Variants in TATDN2 observed in about 807,000 individuals in gnomAD.
TATDN2 encodes TatD DNase domain containing 2, also known as 3'-5' RNA nuclease TATDN2.
TATDN2 carries 44 observed loss-of-function variants against 60.3 expected under a neutral mutation model. That is an observed-to-expected ratio of 0.73 (90% CI 0.57 to 0.94). The LOEUF (loss-of-function observed/expected upper bound fraction) is 0.94. Among genes scored for constraint, TATDN2 ranks in the 40% least tolerant of loss-of-function variants. The pLI, the probability that TATDN2 is intolerant of heterozygous loss-of-function variation, is 0.00. For missense variants in TATDN2, 997 were observed against 948.0 expected, an observed-to-expected ratio of 1.05 and a Z score of -0.68; for synonymous variants, 399 against 355.8, an observed-to-expected ratio of 1.12 and a Z score of -1.37.
Position 10,278,753 on chromosome 3 carries a change from A to ACTC in TATDN2, c.2146-131_2146-130insTCC. On this transcript the variant is annotated intron_variant, in intron 6 of 7. Coordinates refer to ENST00000448281, the MANE Select transcript of TATDN2 (RefSeq NM_014760.4). This position sits in a 1 kb window ranked among gnomAD's most constrained non-coding sequence, Gnocchi z 4.7. ...CCCCCATGACTAGGACTCTCCCTGCACCTGCAGGTAAAGGGGTCTCTACAG... is the reference window on the plus strand; with the variant it reads ...CCCCCATGACTAGGACTCTCCCTGCACTCCCTGCAGGTAAAGGGGTCTCTACAG... 1 of 1,362,022 alleles carries ACTC rather than the reference A, an allele frequency of 7.3e-7. No individual in the cohort carries two copies. Among genetic ancestry groups the ACTC allele is most frequent in the Non-Finnish European group, 1.0e-6 (1 of 978,548 alleles). The allele number at this position is 1,362,022 out of a possible 1,614,324, so 84.4% of individuals were successfully genotyped here. A position where few individuals can be genotyped will look rare whatever the true frequency, so the allele number is the denominator to read the frequency against.
At chr3:10,256,374 C>A (rs1262487745) in intron 2 of TATDN2, among the ~76,000 whole-genome samples, 1 of 151,950 alleles carries the variant, frequency 6.6e-6, no homozygotes, top group African/African-American at 2.4e-5. Flanking sequence ...TGGGGTCTTG[C>A]TATGTTGCCC....
rs553265148 is a variant in TATDN2, at chr3:10,257,841, A to ATTTTTTTTTT, written c.415-2270_415-2261dup. 5.3e-3 allele frequency among the ~76,000 whole-genome samples: 161 copies of ATTTTTTTTTT among 30,290 alleles called. 31 individuals are homozygous for ATTTTTTTTTT. Among genetic ancestry groups the ATTTTTTTTTT allele is most frequent in the South Asian group, 8.5e-3 (4 of 468 alleles). The allele number at this position is 30,290 out of a possible 152,430, so 19.9% of individuals were successfully genotyped here. A position where few individuals can be genotyped will look rare whatever the true frequency, so the allele number is the denominator to read the frequency against. ...AAGTATAGATTTCTAAAGGTTTATGATTTTTTTTTTTTTTTTTTTTTTTTT... is the reference window on the plus strand; with the variant it reads ...AAGTATAGATTTCTAAAGGTTTATGATTTTTTTTTTTTTTTTTTTTTTTTTTTTTTTTTTT... On this transcript the variant is annotated intron_variant, in intron 2 of 7. Transcript: ENST00000448281.
Position 10,248,841 on chromosome 3 carries a change from G to A in TATDN2, c.-233G>A, listed in dbSNP as rs1698174273. On this transcript the variant is annotated 5_prime_UTR_variant, in exon 1 of 8. Coordinates refer to ENST00000448281, the MANE Select transcript of TATDN2 (RefSeq NM_014760.4). ...CTGAAGCGCTTGACAGTTCTAAAGG[G>A]CTTTATATTGCAAACTGATCAAAGC... is the stretch of plus-strand genomic sequence containing the variant. 1 of 234,316 alleles carries A rather than the reference G, an allele frequency of 4.3e-6. No individual in the cohort carries two copies. The highest frequency in any genetic ancestry group is 2.2e-5 in the African/African-American group (1 of 44,496). 14.5% of individuals were successfully genotyped at this position (234,316 alleles called of 1,614,324 possible).
chr3:10,270,947 G>C lies in TATDN2; in HGVS notation c.1765G>C (p.Val589Leu). ...GCAAGCCTTAAGGCACCCTAAGGCT[G>C]TGGCATTTGGAGAAATGGGCTTGGA... ...LLQALRHPKA[V>L]AFGEMGLDYS... Residue 589 changes from valine (V) to leucine (L), a missense_variant, in exon 4 of 8, where the codon GTG becomes CTG. Physicochemically the swap from Val to Leu is conservative, Grantham distance 32. Transcript: ENST00000448281. 6.2e-7 allele frequency: 1 copy of C among 1,613,562 alleles called. No individual in the cohort carries two copies. Among genetic ancestry groups the C allele is most frequent in the Non-Finnish European group, 8.5e-7 (1 of 1,179,808 alleles).
At chr3:10,275,144 C>T (rs1201135294) in intron 4 of TATDN2, among the ~76,000 whole-genome samples, 1 of 152,010 alleles carries the variant, frequency 6.6e-6, no homozygotes, top group Admixed American at 6.6e-5. Context: ...TGCCACCACA[C>T]CCAGCTAATT....
chr3:10,255,771 G>C (rs758709900), intron 2 of TATDN2, among the ~76,000 whole-genome samples: 2 of 152,066 alleles, frequency 1.3e-5, no homozygotes, highest in Non-Finnish European at 2.9e-5. Context: ...GAGAAACCTC[G>C]TCTCTACCAA....
intron 2 of TATDN2, among the ~76,000 whole-genome samples, chr3:10,253,090 C>CA (rs1698255584): frequency 6.6e-6 from 1 of 152,096 alleles, no homozygotes; most frequent in Non-Finnish European, 1.5e-5. Flanking sequence ...ATCTCTTGAC[C>CA]TCGTGATCCG....
intron 4 of TATDN2, 93 bp from the exon 5 acceptor site, chr3:10,276,268 C>G (rs746564364): frequency 9.4e-5 from 139 of 1,482,534 alleles, no homozygotes; most frequent in Non-Finnish European, 1.2e-4. Context: ...AAAAGAGAGA[C>G]ACAGGGGGTG....
At chr3:10,264,348 A>G (rs1458748545) in intron 3 of TATDN2, among the ~76,000 whole-genome samples, 1 of 152,120 alleles carries the variant, frequency 6.6e-6, no homozygotes, top group Non-Finnish European at 1.5e-5. Flanking sequence ...TCTGCTTTCT[A>G]GCCTCCAGTG....
At position 10,248,508 on chromosome 3, in the gene TATDN2, C is replaced by CA. The variant is rs960086853; in HGVS notation, c.-565dup. The CA allele has an allele frequency of 8.5e-5, 13 of 152,156 alleles. No homozygotes were observed. Among genetic ancestry groups the CA allele is most frequent in the African/African-American group, 3.1e-4 (13 of 41,434 alleles). The allele number at this position is 152,156 out of a possible 1,614,324, so 9.4% of individuals were successfully genotyped here. A position where few individuals can be genotyped will look rare whatever the true frequency, so the allele number is the denominator to read the frequency against. On this transcript the variant is annotated 5_prime_UTR_variant, in exon 1 of 8. Transcript: ENST00000448281. ...AGGGCTCGTTCCGGAGGGCGGGCGCCACGGAGGCCGGAGTGGTCGCAGTTC... is the reference window on the plus strand; with the variant it reads ...AGGGCTCGTTCCGGAGGGCGGGCGCCAACGGAGGCCGGAGTGGTCGCAGTTC...
chr3:10,278,540 C>T lies in TATDN2; in HGVS notation c.2145+78C>T. ...TGGGTGGTCACCCTTACAAGGTTGG[C>T]AGGGCCAGAGCCCCAGTGACTTCCA... is the stretch of plus-strand genomic sequence containing the variant. On this transcript the variant is annotated intron_variant, in intron 6 of 7. Transcript: ENST00000448281. This position sits in a 1 kb window ranked among gnomAD's most constrained non-coding sequence, Gnocchi z 4.7. The T allele has an allele frequency of 1.3e-6, 2 of 1,576,298 alleles. No homozygotes were observed. Among genetic ancestry groups the T allele is most frequent in the South Asian group, 2.2e-5 (2 of 89,242 alleles).
chr3:10,273,093 A>G lies in TATDN2; in HGVS notation c.1833+2078A>G, dbSNP rs563578790. Among the ~76,000 whole-genome samples, 4 of 152,252 alleles carry G rather than the reference A, an allele frequency of 2.6e-5. No homozygotes were observed. In the South Asian group the frequency reaches 8.3e-4, roughly 32 times the overall value. On this transcript the variant is annotated intron_variant, in intron 4 of 7. Transcript: ENST00000448281. Reference sequence around the variant, plus strand: ...GTCCATGGGGCGACCTGCACAACAAACTGAACTAGAAGCGATAGGCATAGG... The same window carrying G: ...GTCCATGGGGCGACCTGCACAACAAGCTGAACTAGAAGCGATAGGCATAGG...
At chr3:10,265,931 T>G (rs1003928651) in intron 3 of TATDN2, among the ~76,000 whole-genome samples, 7 of 152,190 alleles carry the variant, frequency 4.6e-5, no homozygotes, top group African/African-American at 1.7e-4. Context: ...TTTGGAAGTC[T>G]GGCACCTCCA....
intron 3 of TATDN2, among the ~76,000 whole-genome samples, chr3:10,261,536 A>G (rs772677669): frequency 5.3e-5 from 8 of 151,808 alleles, no homozygotes; most frequent in African/African-American, 7.3e-5. Flanking sequence ...AAACCGGCTA[A>G]TTTTTGTATT....
At chr3:10,272,049 C>T (rs1168402640) in intron 4 of TATDN2, among the ~76,000 whole-genome samples, 1 of 152,098 alleles carries the variant, frequency 6.6e-6, no homozygotes, top group Admixed American at 6.6e-5. Flanking sequence ...ATTTTTTTTC[C>T]TCCCAATATT....
Position 10,260,381 on chromosome 3 carries a change from A to G in TATDN2, c.659A>G (p.His220Arg), listed in dbSNP as rs1451317007. 4 of 1,614,062 alleles carry G rather than the reference A, an allele frequency of 2.5e-6. No individual in the cohort carries two copies. Among genetic ancestry groups the G allele is most frequent in the East Asian group, 2.2e-5 (1 of 44,896 alleles). Residue 220 changes from histidine to arginine, a missense_variant, in exon 3 of 8, where the codon CAT (histidine) becomes CGT (arginine). His to Arg is a conservative substitution (Grantham distance 29, BLOSUM62 0). Transcript: ENST00000448281. Reference protein sequence around the residue: ...AKPSAAEHPSHGEGPARSEGP... With the variant: ...AKPSAAEHPSRGEGPARSEGP... ...CCAAGCGCAGCAGAGCATCCCAGCC[A>G]TGGAGAAGGACCAGCCAGGAGTGAA...
In TATDN2 at chr3:10,270,908, G is replaced by C; in HGVS notation, c.1726G>C (p.Glu576Gln). The C allele has an allele frequency of 6.2e-7, 1 of 1,614,190 alleles. No individual in the cohort carries two copies. Among genetic ancestry groups the C allele is most frequent in the South Asian group, 1.1e-5 (1 of 91,086 alleles). The stretch of plus-strand genomic sequence containing the variant: ...TGCACGTTACTACAGTGAGAGTCAA[G>C]AAAGAAATCTTTTGCAAGCCTTAAG... ...HFARYYSESQ[E>Q]RNLLQALRHP... The change falls in exon 4 of 8, where the codon GAA becomes CAA. Residue 576 changes from glutamate to glutamine, a missense_variant. Transcript: ENST00000448281.
intron 4 of TATDN2, among the ~76,000 whole-genome samples, chr3:10,272,271 A>G (rs1412288121): frequency 1.3e-5 from 2 of 151,800 alleles, no homozygotes; most frequent in African/African-American, 4.8e-5. Context: ...CGCCTGGCTA[A>G]TTAAAAATAA....
intron 3 of TATDN2, among the ~76,000 whole-genome samples, chr3:10,263,787 A>C (rs371919930): frequency 6.6e-6 from 1 of 152,256 alleles, no homozygotes; most frequent in East Asian, 1.9e-4. Flanking sequence ...TTGTCTGTTT[A>C]TGATCAAGAA....
Sources: gnomAD v4.1 joint callset for allele counts (sites outside exome capture counted in the v4.1 genomes callset) on GRCh38, gnomAD v4.1.1 for gene constraint, Gnocchi (gnomAD v3.1) non-coding constraint, MANE v1.5 for transcripts, NCBI Gene and HGNC (gene_info 2026-07-23, HGNC 2026-07-21) for gene names.